UPP2: variants seen among roughly 807,000 people sequenced by gnomAD.
UPP2 encodes the protein UPase 2.
In UPP2, 23 loss-of-function variants were observed where a neutral mutation model predicts 26.7. The observed-to-expected ratio is 0.86, with a 90% CI of 0.62 to 1.22. The LOEUF is 1.22. Ranked by LOEUF, UPP2 falls within the 50% of genes most tolerant of loss-of-function variation. The pLI is 0.00. For missense variants in UPP2, 387 were observed against 396.7 expected, an observed-to-expected ratio of 0.98 and a Z score of 0.21; for synonymous variants, 127 against 141.3, an observed-to-expected ratio of 0.90 and a Z score of 0.72.
intron 2 of UPP2, among the ~76,000 whole-genome samples, chr2:158,112,291 G>A (rs554448979): frequency 6.6e-6 from 1 of 152,168 alleles, no homozygotes; most frequent in South Asian, 2.1e-4. Flanking sequence ...CAAGAGACCA[G>A]AAATAAACTC....
rs563218703 is a variant in UPP2 at position 158,104,908 on chromosome 2, G to A, written c.63-1191G>A. On this transcript the variant is annotated intron_variant, in intron 1 of 6. Coordinates refer to ENST00000005756, the MANE Select transcript of UPP2 (RefSeq NM_173355.4). Reference sequence around the variant, plus strand: ...TGCACTCCAGCCTGGGTGACAGAGCGAAACTCTGAAAGGGAAGGGAAGGGA... The same window carrying A: ...TGCACTCCAGCCTGGGTGACAGAGCAAAACTCTGAAAGGGAAGGGAAGGGA... 2.4e-3 allele frequency among the ~76,000 whole-genome samples: 327 copies of A among 138,728 alleles called. 4 individuals carry two copies. Among genetic ancestry groups the A allele is most frequent in the African/African-American group, 8.3e-3 (307 of 36,840 alleles). 91.0% of individuals were successfully genotyped at this position (138,728 alleles called of 152,430 possible).
Position 158,135,773 on chromosome 2 carries a change from T to TGGTGCTCCTCCTGGCTGCAC in UPP2, c.*884_*903dup, listed in dbSNP as rs1303099211. ...TACCCGTTTGATTCTCTGGGAGGCA[T>TGGTGCTCCTCCTGGCTGCAC]GGTGCTCCTCCTGGCTGCACATGCT... On this transcript the variant is annotated 3_prime_UTR_variant, in exon 7 of 7. Transcript: ENST00000005756. The TGGTGCTCCTCCTGGCTGCAC allele has an allele frequency of 6.6e-6, 1 of 152,220 alleles. No homozygotes were observed. Among genetic ancestry groups the TGGTGCTCCTCCTGGCTGCAC allele is most frequent in the Non-Finnish European group, 1.5e-5 (1 of 68,050 alleles). The allele number at this position is 152,220 out of a possible 1,614,324, so 9.4% of individuals were successfully genotyped here. A position where few individuals can be genotyped will look rare whatever the true frequency, so the allele number is the denominator to read the frequency against.
chr2:158,083,543 CA>C (rs1402249731), intron 3 of UPP2, among the ~76,000 whole-genome samples: 1 of 151,700 alleles, frequency 6.6e-6, no homozygotes, highest in Non-Finnish European at 1.5e-5. Flanking sequence ...CATCACACAC[CA>C]GGGCCCGTTG....
At chr2:157,999,415 T>C (rs971557351) in intron 2 of UPP2, among the ~76,000 whole-genome samples, 1 of 152,332 alleles carries the variant, frequency 6.6e-6, no homozygotes, top group South Asian at 2.1e-4. Context: ...TGACCTCAAG[T>C]GATCCACTCG....
At chr2:158,110,161 C>G (rs2105217761) in intron 2 of UPP2, among the ~76,000 whole-genome samples, 1 of 152,302 alleles carries the variant, frequency 6.6e-6, no homozygotes, top group Middle Eastern at 3.4e-3. Flanking sequence ...CCACTGCCCC[C>G]ACCCCATGAC....
At chr2:158,024,883 T>C (rs554797297) in intron 3 of UPP2, among the ~76,000 whole-genome samples, 2 of 152,282 alleles carry the variant, frequency 1.3e-5, no homozygotes, top group South Asian at 4.2e-4. Context: ...TGGTAAATTT[T>C]TCTTTTTATT....
At chr2:158,119,518 C>T (rs941893471) in intron 4 of UPP2, among the ~76,000 whole-genome samples, 1 of 152,060 alleles carries the variant, frequency 6.6e-6, no homozygotes, top group African/African-American at 2.4e-5. Flanking sequence ...AGCCAACACA[C>T]CTTAACAAGC....
At chr2:158,016,362 C>T (rs1433031923) in intron 3 of UPP2, among the ~76,000 whole-genome samples, 23 of 151,060 alleles carry the variant, frequency 1.5e-4, no homozygotes, top group African/African-American at 5.6e-4. Context: ...TTTTTTGAGA[C>T]AGAATTTCGC....
rs184991308 is a variant in UPP2 at position 158,030,946 on chromosome 2, T to G, written c.147+15060T>G. On this transcript the variant is annotated intron_variant, in intron 3 of 9. Coordinates refer to the UPP2 transcript ENST00000605860. ...ATCTAGCTGGGATGGTTATCTGTACTCTTGTACTAATCAGCTTTGCAACTT... is the reference window on the plus strand; with the variant it reads ...ATCTAGCTGGGATGGTTATCTGTACGCTTGTACTAATCAGCTTTGCAACTT... 3.3e-3 allele frequency among the ~76,000 whole-genome samples: 499 copies of G among 152,332 alleles called. 2 individuals are homozygous for G. Among genetic ancestry groups the G allele is most frequent in the Admixed American group, 7.4e-3 (113 of 15,296 alleles).
At chr2:158,093,847 C>T (rs1261501168) in intron 3 of UPP2, among the ~76,000 whole-genome samples, 6 of 151,534 alleles carry the variant, frequency 4.0e-5, no homozygotes, top group African/African-American at 1.5e-4. Flanking sequence ...ATATTATTAC[C>T]ACACATTAGA....
At chr2:158,037,829 T>C (rs1187208119) in intron 3 of UPP2, among the ~76,000 whole-genome samples, 1 of 148,736 alleles carries the variant, frequency 6.7e-6, no homozygotes, top group African/African-American at 2.5e-5. Flanking sequence ...GGGGTTAATA[T>C]TTTTGCATTT....
chr2:158,011,330 CTCTT>C (rs1683575413), intron 2 of UPP2, among the ~76,000 whole-genome samples: 1 of 152,204 alleles, frequency 6.6e-6, no homozygotes, highest in African/African-American at 2.4e-5. Context: ...GCCAGCAGGA[CTCTT>C]TCTCCCTCCT....
intron 2 of UPP2, among the ~76,000 whole-genome samples, chr2:158,010,772 T>TTTTC (rs10649233): frequency 0.5 from 74,068 of 148,946 alleles, 21,151 homozygotes; most frequent in Admixed American, 0.69. Context: ...TCTTTTTTTT[T>TTTTC]TTTTTTTTTT....
intron 3 of UPP2, among the ~76,000 whole-genome samples, chr2:158,086,530 G>T (rs528657021): frequency 2.6e-5 from 4 of 151,708 alleles, no homozygotes; most frequent in Non-Finnish European, 5.9e-5. Flanking sequence ...TCTTCTGCTG[G>T]GTTTGGGTTT....
At chr2:158,076,798 T>C (rs1216065961) in intron 3 of UPP2, among the ~76,000 whole-genome samples, 4 of 152,052 alleles carry the variant, frequency 2.6e-5, no homozygotes, top group Admixed American at 6.6e-5. Context: ...TTATTCAACA[T>C]AGTACTAGAA....
intron 3 of UPP2, chr2:158,015,923 C>T (rs1258484450): frequency 2.4e-6 from 1 of 419,948 alleles, no homozygotes; most frequent in Admixed American, 2.5e-5. Context: ...ATAAATTACC[C>T]AGTCTCAGGT....
chr2:158,019,164 G>C (rs1683707156), intron 3 of UPP2, among the ~76,000 whole-genome samples: 1 of 152,192 alleles, frequency 6.6e-6, no homozygotes, highest in Non-Finnish European at 1.5e-5. Context: ...ACATGTTCTT[G>C]CACTAGGGTC....
chr2:158,061,967 C>T (rs764816179), intron 3 of UPP2, among the ~76,000 whole-genome samples: 1 of 152,250 alleles, frequency 6.6e-6, no homozygotes, highest in Non-Finnish European at 1.5e-5. Context: ...TGTTGCATCC[C>T]TCAGACCAAA....
chr2:158,098,511 A>G (rs1229003839), upstream of UPP2, among the ~76,000 whole-genome samples: 1 of 152,190 alleles, frequency 6.6e-6, no homozygotes, highest in Non-Finnish European at 1.5e-5. Flanking sequence ...GACTACACCT[A>G]AGTAGCCACA....
Sources: allele counts gnomAD v4.1 joint callset (sites outside exome capture counted in the v4.1 genomes callset), GRCh38; gene constraint gnomAD v4.1.1; transcripts MANE v1.5; gene names NCBI Gene and HGNC (gene_info 2026-07-23, HGNC 2026-07-21).